The following RSRP1 variants were observed in gnomAD, a reference collection of about 807,000 sequenced individuals.
RSRP1 encodes arginine/serine-rich protein 1.
A neutral mutation model predicts 33.0 loss-of-function variants in RSRP1; 37 were observed. The observed-to-expected ratio is 1.12, with a 90% CI of 0.86 to 1.48. The LOEUF (loss-of-function observed/expected upper bound fraction) is 1.48, where lower values mean the gene tolerates loss of function less well. RSRP1 is among the 40% of genes most tolerant of loss of function. The pLI is 0.00. For synonymous variants in RSRP1, 167 were observed against 158.7 expected (o/e 1.05, Z -0.40); for missense variants, 402 against 385.3 (o/e 1.04, Z -0.36).
intron 1 of RSRP1, among the ~76,000 whole-genome samples, chr1:25,262,716 C>A (rs539127031): frequency 1.3e-5 from 2 of 152,276 alleles, no homozygotes; most frequent in African/African-American, 2.4e-5. Context: ...TGATGTAGGT[C>A]CTGGAGTCCT....
In RSRP1 at chr1:25,323,795, C is replaced by T. The variant is rs1231367763; in HGVS notation, c.-67+14183G>A. Among the ~76,000 whole-genome samples the T allele has an allele frequency of 5.5e-5, 7 of 126,540 alleles. 1 individual carries two copies. In the South Asian group the frequency reaches 7.2e-4, roughly 13 times the overall value. 83.0% of individuals were successfully genotyped at this position (126,540 alleles called of 152,430 possible). On this transcript the variant is annotated intron_variant, in intron 1 of 1. Transcript: ENST00000561867. Reference sequence around the variant, plus strand: ...GTTACACAAAGGGAATCATGCAGCACGTACTGCCCTTGGTCTGGCTTCTTT... The same window carrying T: ...GTTACACAAAGGGAATCATGCAGCATGTACTGCCCTTGGTCTGGCTTCTTT...
In RSRP1 at chr1:25,312,198, T is replaced by C. The variant is rs1351506305; in HGVS notation, c.-67+25780A>G. On this transcript the variant is annotated intron_variant, in intron 1 of 1. Transcript: ENST00000561867. Reference sequence around the variant, plus strand: ...AGGTTTAAGGTTTAATGTTGTTTTCTATGTTGGGTTTTGTACTTTCCTGGA... The same window carrying C: ...AGGTTTAAGGTTTAATGTTGTTTTCCATGTTGGGTTTTGTACTTTCCTGGA... 3.1e-5 allele frequency among the ~76,000 whole-genome samples: 3 copies of C among 96,468 alleles called. 1 individual carries two copies. Among genetic ancestry groups the C allele is most frequent in the Admixed American group, 1.0e-4 (1 of 10,020 alleles). The allele number at this position is 96,468 out of a possible 152,430, so 63.3% of individuals were successfully genotyped here. A position where few individuals can be genotyped will look rare whatever the true frequency, so the allele number is the denominator to read the frequency against.
At position 25,242,695 on chromosome 1, in the gene RSRP1, G is replaced by A; in HGVS notation, c.767C>T (p.Ala256Val). 5.0e-6 allele frequency: 8 copies of A among 1,602,392 alleles called. No homozygotes were observed. Among genetic ancestry groups the A allele is most frequent in the Non-Finnish European group, 5.9e-6 (7 of 1,176,660 alleles). ...SIAFSSNNSV[A>V]KPIQKSAKAA... is the part of the protein sequence containing the mutation. ...TTTAGCTGATTTTTGTATTGGCTTTGCTACAGAATTCTGTAAAAGAACAAA... is the reference window on the plus strand; with the variant it reads ...TTTAGCTGATTTTTGTATTGGCTTTACTACAGAATTCTGTAAAAGAACAAA... Residue 256 changes from alanine (A) to valine (V), a missense_variant, in exon 5 of 5, where the codon GCA becomes GTA. Ala to Val is a moderately conservative substitution (Grantham distance 64). Coordinates refer to ENST00000243189, the MANE Select transcript of RSRP1 (RefSeq NM_020317.5).
In RSRP1 at chr1:25,313,826, A is replaced by T. The variant is rs761254731; in HGVS notation, c.-67+24152T>A. Among the ~76,000 whole-genome samples the T allele has an allele frequency of 1.5e-5, 2 of 132,984 alleles. 1 individual carries two copies. The highest frequency in any genetic ancestry group is 3.6e-5 in the Non-Finnish European group (2 of 56,096). 87.2% of individuals were successfully genotyped at this position (132,984 alleles called of 152,430 possible). On this transcript the variant is annotated intron_variant, in intron 1 of 1. Coordinates refer to the RSRP1 transcript ENST00000561867. ...ATAATATGAGTTTCCTATGCCTGAG[A>T]AAGCTGACTTGCAAGAAAATGAGAT...
At chr1:25,301,544 G>A (rs1396078133) in intron 1 of RSRP1, 1 of 1,378,682 alleles carries the variant, frequency 7.3e-7, no homozygotes, top group Admixed American at 1.8e-5. Flanking sequence ...TGGATGTTCT[G>A]GCCAAGTTTC....
At chr1:25,296,744 TTCTC>T (rs1339360234) in intron 1 of RSRP1, among the ~76,000 whole-genome samples, 1 of 121,812 alleles carries the variant, frequency 8.2e-6, no homozygotes, top group African/African-American at 2.7e-5. Flanking sequence ...CTCTCTCTCT[TTCTC>T]TCTCTCTCTC....
intron 1 of RSRP1, among the ~76,000 whole-genome samples, chr1:25,259,355 A>T (rs1317859514): frequency 1.3e-5 from 2 of 152,022 alleles, no homozygotes; most frequent in Non-Finnish European, 2.9e-5. Context: ...GGCCTCCCAA[A>T]GTGCTGGGAC....
chr1:25,300,964 A>G lies in RSRP1; in HGVS notation c.-67+37014T>C. 6 of 1,373,428 alleles carry G rather than the reference A, an allele frequency of 4.4e-6. 1 individual carries two copies. The South Asian group carries it at 5.9e-5, about 13-fold the overall frequency. 85.1% of individuals were successfully genotyped at this position (1,373,428 alleles called of 1,614,324 possible). On this transcript the variant is annotated intron_variant, in intron 1 of 1. Transcript: ENST00000561867. Reference sequence around the variant, plus strand: ...ATTGCAGACAGACTACCACATGAACATGATGCACATCTACGTGTTCGCAGC... The same window carrying G: ...ATTGCAGACAGACTACCACATGAACGTGATGCACATCTACGTGTTCGCAGC...
rs1408107193 is a variant in RSRP1, at chr1:25,275,449, T to C, written c.-66-28420A>G. On this transcript the variant is annotated intron_variant, in intron 1 of 1. Coordinates refer to the RSRP1 transcript ENST00000561867. ...GAGGAAGCCATGCCAGGGCTGGTGT[T>C]GGGCACAGGGAAAGGGGCATGGCTT... Among the ~76,000 whole-genome samples the C allele has an allele frequency of 2.3e-5, 3 of 131,548 alleles. 1 individual carries two copies. The highest frequency in any genetic ancestry group is 5.4e-5 in the Non-Finnish European group (3 of 55,566). 86.3% of individuals were successfully genotyped at this position (131,548 alleles called of 152,430 possible). A position where few individuals can be genotyped will look rare whatever the true frequency, so the allele number is the denominator to read the frequency against.
chr1:25,319,475 G>C (rs1644583486), intron 1 of RSRP1, among the ~76,000 whole-genome samples: 1 of 132,072 alleles, frequency 7.6e-6, no homozygotes, highest in Non-Finnish European at 1.8e-5. Context: ...GCCAGGCGTG[G>C]TGGTACACCT....
intron 4 of RSRP1, among the ~76,000 whole-genome samples, chr1:25,242,956 G>A (rs948205225): frequency 7.2e-5 from 11 of 152,152 alleles, no homozygotes; most frequent in African/African-American, 2.2e-4. Context: ...CGGGCGTGGT[G>A]GCATGCGCCA....
In RSRP1 at chr1:25,308,684, C is replaced by T. The variant is rs1353711989; in HGVS notation, c.-67+29294G>A. On this transcript the variant is annotated intron_variant, in intron 1 of 1. Transcript: ENST00000561867. ...CTATGGGAACTGGCTCCAGCACATC[C>T]CTGCAAGTCAACTCTCATCAGGGTG... Among the ~76,000 whole-genome samples, 90 of 129,820 alleles carry T rather than the reference C, an allele frequency of 6.9e-4. 14 individuals carry two copies. The highest frequency in any genetic ancestry group is 2.3e-3 in the African/African-American group (88 of 37,722). The allele number at this position is 129,820 out of a possible 152,430, so 85.2% of individuals were successfully genotyped here.
rs1168663839 is a variant in RSRP1, at chr1:25,333,449, G to C, written c.-67+4529C>G. On this transcript the variant is annotated intron_variant, in intron 1 of 1. Coordinates refer to the RSRP1 transcript ENST00000561867. Reference sequence around the variant, plus strand: ...ATGAAGTGAAGAAGTGAGCCATGTGGGTATGGGGAATACAACTTCCAGGTA... The same window carrying C: ...ATGAAGTGAAGAAGTGAGCCATGTGCGTATGGGGAATACAACTTCCAGGTA... Among the ~76,000 whole-genome samples the C allele has an allele frequency of 1.5e-5, 2 of 129,450 alleles. 1 individual carries two copies. The highest frequency in any genetic ancestry group is 3.6e-5 in the Non-Finnish European group (2 of 55,656). The allele number at this position is 129,450 out of a possible 152,430, so 84.9% of individuals were successfully genotyped here.
intron 1 of RSRP1, among the ~76,000 whole-genome samples, chr1:25,259,572 A>G (rs1406045685): frequency 6.6e-6 from 1 of 150,446 alleles, no homozygotes; most frequent in East Asian, 2.0e-4. Flanking sequence ...CCGCAATCTC[A>G]GCTCGCCGCA....
chr1:25,285,105 T>C (rs1641853241), intron 1 of RSRP1, among the ~76,000 whole-genome samples: 1 of 133,274 alleles, frequency 7.5e-6, no homozygotes, highest in Non-Finnish European at 1.8e-5. Flanking sequence ...CAGAGAGAAA[T>C]AGACATGCCA....
chr1:25,276,532 T>TAAAAAAAAAAAAAAAAAAAAAAAAAAAAA (rs557746335), intron 1 of RSRP1, among the ~76,000 whole-genome samples: 1 of 64,786 alleles, frequency 1.5e-5, no homozygotes, highest in African/African-American at 7.2e-5. Flanking sequence ...CCCCCATCTC[T>TAAAAAAAAAAAAAAAAAAAAAAAAAAAAA]AAAAAAAAAA....
At position 25,244,407 on chromosome 1, in the gene RSRP1, TA is replaced by T. The variant is rs746302262; in HGVS notation, c.672+742del. ...AAACTAAGTTTTCAGTGTGTGAACA[TA>T]AACTTCAAATTAAACCTCTGATGCT... is the stretch of plus-strand genomic sequence containing the variant. On this transcript the variant is annotated intron_variant, in intron 3 of 4. Coordinates refer to ENST00000243189, the MANE Select transcript of RSRP1 (RefSeq NM_020317.5). 15 of 1,289,390 alleles carry T rather than the reference TA, an allele frequency of 1.2e-5. No individual in the cohort carries two copies. The South Asian group carries it at 1.9e-4, about 16-fold the overall frequency. The allele number at this position is 1,289,390 out of a possible 1,614,324, so 79.9% of individuals were successfully genotyped here. A position where few individuals can be genotyped will look rare whatever the true frequency, so the allele number is the denominator to read the frequency against.
intron 1 of RSRP1, among the ~76,000 whole-genome samples, chr1:25,314,824 G>A (rs1244413607): frequency 7.6e-6 from 1 of 131,586 alleles, no homozygotes; most frequent in Admixed American, 7.4e-5. Flanking sequence ...TTTCTTAATG[G>A]TGTCTTTTGA....
At chr1:25,322,052 G>C (rs1341051637) in intron 1 of RSRP1, 2 of 723,914 alleles carry the variant, frequency 2.8e-6, no homozygotes, top group East Asian at 5.1e-5. Flanking sequence ...CTGTTTATGA[G>C]TAAAACAAAA....
Sources: allele counts gnomAD v4.1 joint callset (sites outside exome capture counted in the v4.1 genomes callset), GRCh38; gene constraint gnomAD v4.1.1; transcripts MANE v1.5; gene names NCBI Gene and HGNC (gene_info 2026-07-23, HGNC 2026-07-21).